The following GALNT13 variants were observed in gnomAD, a reference collection of about 807,000 sequenced individuals.
The protein encoded by GALNT13 is UDP-GalNAc:polypeptide N-acetylgalactosaminyltransferase 13.
GALNT13 carries 28 observed loss-of-function variants against 64.2 expected under a neutral mutation model. The ratio of observed to expected loss-of-function variants is 0.44; its 90% confidence interval spans 0.32 to 0.60. The LOEUF is 0.60. Among genes scored for constraint, GALNT13 ranks in the 20% least tolerant of loss-of-function variants. The pLI is 0.05. For synonymous variants in GALNT13, 214 were observed against 224.6 expected (o/e 0.95, Z 0.42); for missense variants, 577 against 669.8 (o/e 0.86, Z 1.53).
At chr2:153,414,398 A>AT in the GALNT13 span, among the ~76,000 whole-genome samples, 11 of 148,140 alleles carry the variant, frequency 7.4e-5, no homozygotes, top group African/African-American at 2.2e-4. Context: ...AAAAAAAAAT[A>AT]AAATAAAAAG....
chr2:153,692,983 C>T, the GALNT13 span, among the ~76,000 whole-genome samples: 9 of 152,170 alleles, frequency 5.9e-5, no homozygotes, highest in Middle Eastern at 3.4e-3. Context: ...ACATTGTTCT[C>T]CCAACATTAA....
At chr2:154,115,667 C>T (rs200149231) in intron 3 of GALNT13, among the ~76,000 whole-genome samples, 5 of 151,990 alleles carry the variant, frequency 3.3e-5, no homozygotes, top group East Asian at 1.9e-4. Context: ...GTGATCTGCC[C>T]GTCTCAGCCT....
At chr2:154,413,602 C>T (rs946649973) in intron 11 of GALNT13, among the ~76,000 whole-genome samples, 1 of 151,970 alleles carries the variant, frequency 6.6e-6, no homozygotes, top group Non-Finnish European at 1.5e-5. Flanking sequence ...CTCCTGTGCT[C>T]TAGACATACG....
At chr2:154,176,019 A>G (rs1307978380) in intron 4 of GALNT13, among the ~76,000 whole-genome samples, 2 of 152,042 alleles carry the variant, frequency 1.3e-5, no homozygotes, top group East Asian at 1.9e-4. Context: ...GGTAGTAAAA[A>G]AAAGGTTAAG....
intron 10 of GALNT13, among the ~76,000 whole-genome samples, chr2:154,407,110 CAG>C (rs1190656162): frequency 6.6e-6 from 1 of 152,060 alleles, no homozygotes; most frequent in Non-Finnish European, 1.5e-5. Flanking sequence ...TGCTTTCCAG[CAG>C]AGAGAGAAAG....
chr2:153,845,123 C>G, the GALNT13 span, among the ~76,000 whole-genome samples: 2 of 152,198 alleles, frequency 1.3e-5, no homozygotes, highest in Admixed American at 1.3e-4. Context: ...AAAGTTGCTT[C>G]CACATTTTCA....
chr2:154,127,709 C>CACGTGT (rs531891757), intron 3 of GALNT13, among the ~76,000 whole-genome samples: 3 of 125,912 alleles, frequency 2.4e-5, no homozygotes, highest in Admixed American at 7.8e-5. Flanking sequence ...CACACACACA[C>CACGTGT]GTGTGTGTGT....
the GALNT13 span, among the ~76,000 whole-genome samples, chr2:153,319,048 T>A: frequency 6.6e-6 from 1 of 152,186 alleles, no homozygotes; most frequent in African/African-American, 2.4e-5. Context: ...AACATTCCTC[T>A]CATAACATAA....
downstream of GALNT13, among the ~76,000 whole-genome samples, chr2:154,455,071 G>C (rs1235815963): frequency 6.6e-6 from 1 of 152,094 alleles, no homozygotes; most frequent in African/African-American, 2.4e-5. Flanking sequence ...ATTTGATTTT[G>C]CCATGGTGCT....
At chr2:154,006,449 A>G (rs772842516) in intron 3 of GALNT13, among the ~76,000 whole-genome samples, 3 of 152,204 alleles carry the variant, frequency 2.0e-5, no homozygotes, top group Non-Finnish European at 4.4e-5. Context: ...TTCAATTTGT[A>G]CCAGTTGATA....
the GALNT13 span, among the ~76,000 whole-genome samples, chr2:153,417,316 G>A: frequency 6.6e-6 from 1 of 152,156 alleles, no homozygotes; most frequent in Admixed American, 6.5e-5. Flanking sequence ...GTAGGGCCTT[G>A]CAGGCCCAGT....
the GALNT13 span, among the ~76,000 whole-genome samples, chr2:153,539,874 A>G: frequency 6.6e-6 from 1 of 152,150 alleles, no homozygotes; most frequent in Admixed American, 6.6e-5. Context: ...AGGCAGAAGA[A>G]ATTTCTAAGC....
At chr2:153,451,409 G>T in the GALNT13 span, among the ~76,000 whole-genome samples, 4 of 152,048 alleles carry the variant, frequency 2.6e-5, no homozygotes, top group East Asian at 7.7e-4. Flanking sequence ...CTCAAACTTG[G>T]TAAGAAATTC....
chr2:153,531,000 C>A, the GALNT13 span, among the ~76,000 whole-genome samples: 1 of 152,122 alleles, frequency 6.6e-6, no homozygotes, highest in Non-Finnish European at 1.5e-5. Flanking sequence ...GAGTAATACC[C>A]CACAAGCACA....
the GALNT13 span, among the ~76,000 whole-genome samples, chr2:153,800,699 C>T: frequency 2.0e-5 from 3 of 152,152 alleles, no homozygotes; most frequent in African/African-American, 7.2e-5. Flanking sequence ...GCTTTCTTTG[C>T]TTATCCAAAA....
chr2:153,803,171 G>A, the GALNT13 span, among the ~76,000 whole-genome samples: 10 of 152,192 alleles, frequency 6.6e-5, no homozygotes, highest in Admixed American at 5.9e-4. Context: ...CCTCAAGCTC[G>A]TCTTACCCCA....
At chr2:153,578,745 G>A in the GALNT13 span, among the ~76,000 whole-genome samples, 2 of 152,172 alleles carry the variant, frequency 1.3e-5, no homozygotes, top group African/African-American at 4.8e-5. Context: ...CAGTATGAAT[G>A]TTCTGTGGTC....
chr2:154,103,438 G>A (rs1440058732), intron 3 of GALNT13, among the ~76,000 whole-genome samples: 2 of 151,960 alleles, frequency 1.3e-5, no homozygotes, highest in African/African-American at 2.4e-5. Flanking sequence ...TGGATGTCTT[G>A]TGCTTTCTTA....
intron 9 of GALNT13, among the ~76,000 whole-genome samples, chr2:154,327,179 C>T (rs1163555311): frequency 2.6e-5 from 4 of 152,006 alleles, no homozygotes. Context: ...AGGGGCTCTT[C>T]CTCCTTCGTT....
Sources: gnomAD v4.1 joint callset for allele counts (sites outside exome capture counted in the v4.1 genomes callset) on GRCh38, gnomAD v4.1.1 for gene constraint, MANE v1.5 for transcripts, NCBI Gene and HGNC (gene_info 2026-07-23, HGNC 2026-07-21) for gene names.